Variants in OSER1 observed in about 807,000 individuals in gnomAD.
OSER1 encodes oxidative stress-responsive serine-rich protein 1.
In OSER1, 15 loss-of-function variants were observed where a neutral mutation model predicts 26.3. The ratio of observed to expected loss-of-function variants is 0.57; its 90% CI spans 0.38 to 0.88. The LOEUF is 0.88. Among genes scored for constraint, OSER1 ranks in the 40% least tolerant of loss-of-function variants. The pLI, the probability that OSER1 is intolerant of heterozygous loss-of-function variation, is 0.00. For missense variants in OSER1, 313 were observed against 353.9 expected, an observed-to-expected ratio of 0.88 and a Z score of 0.93; for synonymous variants, 127 against 128.2, an observed-to-expected ratio of 0.99 and a Z score of 0.07.
rs1373021176 is a variant in OSER1 at position 44,197,271 on chromosome 20, C to T, written c.660G>A (p.Leu220=). 2 of 1,613,958 alleles carry T rather than the reference C, an allele frequency of 1.2e-6. No individual in the cohort carries two copies. Among genetic ancestry groups the T allele is most frequent in the Non-Finnish European group, 1.7e-6 (2 of 1,179,892 alleles). The change falls in exon 4 of 4, where the codon CTG becomes CTA. Residue 220 remains leucine (L), a synonymous_variant. Transcript: ENST00000255174. ...CTGGAGCCAAGGGAGGGACACTCTG[C>T]AGGCCTGAAAAGGAATACACTTCCA... The part of the protein sequence containing the change: ...HDMEVYSFSG[L]QSVPPLAPER...
rs546460500 is a variant in OSER1, at chr20:44,196,117, G to A, written c.*935C>T. Reference sequence around the variant, plus strand: ...AAGGATTCATCATCCAGCTGAAACCGAAGACAGATTTTTTTTTTACCAAAC... The same window carrying A: ...AAGGATTCATCATCCAGCTGAAACCAAAGACAGATTTTTTTTTTACCAAAC... On this transcript the variant is annotated 3_prime_UTR_variant, in exon 4 of 4. Coordinates refer to ENST00000255174, the MANE Select transcript of OSER1 (RefSeq NM_016470.8). Among the ~76,000 whole-genome samples, 14 of 152,126 alleles carry A rather than the reference G, an allele frequency of 9.2e-5. No homozygotes were observed. The highest frequency in any genetic ancestry group is 6.6e-4 in the Admixed American group (10 of 15,254).
chr20:44,205,679 G>A (rs567606666), intron 2 of OSER1, among the ~76,000 whole-genome samples: 23 of 151,930 alleles, frequency 1.5e-4, no homozygotes, highest in Admixed American at 1.0e-3. Flanking sequence ...AGTGGCTCTC[G>A]CCTGTAATCC....
intron 3 of OSER1, among the ~76,000 whole-genome samples, chr20:44,199,119 GA>G (rs1248664189): frequency 2.0e-5 from 3 of 152,204 alleles, no homozygotes; most frequent in Admixed American, 2.0e-4. Flanking sequence ...GGTATACCAA[GA>G]AAAGCCACGA....
chr20:44,206,617 G>A (rs1414472026), intron 2 of OSER1, among the ~76,000 whole-genome samples: 1 of 152,184 alleles, frequency 6.6e-6, no homozygotes, highest in Non-Finnish European at 1.5e-5. Context: ...AAGAAGTGGG[G>A]GGGAAGCCCT....
At position 44,197,188 on chromosome 20, in the gene OSER1, C is replaced by G; in HGVS notation, c.743G>C (p.Gly248Ala). ...TTGCTCAGAACAGGATCGGGGAGAG[C>G]CAGACAGAGTTCTGGCGTGCAGCGA... is the stretch of plus-strand genomic sequence containing the variant. ...SQSLHARTLS[G>A]SPRSCSEQAR... Residue 248 changes from glycine (G) to alanine (A), a missense_variant, in exon 4 of 4, where the codon GGC (glycine) becomes GCC (alanine). By Grantham distance (60) the Gly-to-Ala change is moderately conservative (BLOSUM62 0). Transcript: ENST00000255174. The G allele has an allele frequency of 6.2e-7, 1 of 1,614,184 alleles. No homozygotes were observed. Among genetic ancestry groups the G allele is most frequent in the Non-Finnish European group, 8.5e-7 (1 of 1,180,012 alleles).
chr20:44,202,594 G>A (rs934739087), intron 3 of OSER1, among the ~76,000 whole-genome samples: 1 of 152,002 alleles, frequency 6.6e-6, no homozygotes, highest in Non-Finnish European at 1.5e-5. Context: ...AGGGAAAATA[G>A]ACAAATACAC....
rs759301750 is a variant in OSER1, at chr20:44,210,728, G to A, written c.-74C>T. 6.6e-6 allele frequency: 1 copy of A among 152,380 alleles called. No individual in the cohort carries two copies. The highest frequency in any genetic ancestry group is 1.5e-5 in the Non-Finnish European group (1 of 68,138). 9.4% of individuals were successfully genotyped at this position (152,380 alleles called of 1,614,324 possible). Reference sequence around the variant, plus strand: ...CAGCTGGGACGCTCCGGTGATGCGGGGCAGTCAGTTCAGAGCGTCTCTCCC... The same window carrying A: ...CAGCTGGGACGCTCCGGTGATGCGGAGCAGTCAGTTCAGAGCGTCTCTCCC... On this transcript the variant is annotated 5_prime_UTR_variant, in exon 1 of 4. Coordinates refer to ENST00000255174, the MANE Select transcript of OSER1 (RefSeq NM_016470.8).
rs1021748099 is a variant in OSER1, at chr20:44,195,997, T to C, written c.*1055A>G. ...TAAACAAAAGCTTCTGTTAACATTA[T>C]TGCTAACATGGCTAGACACTGTCAC... On this transcript the variant is annotated 3_prime_UTR_variant, in exon 4 of 4. Coordinates refer to ENST00000255174, the MANE Select transcript of OSER1 (RefSeq NM_016470.8). 2.0e-5 allele frequency among the ~76,000 whole-genome samples: 3 copies of C among 152,216 alleles called. No individual in the cohort carries two copies. Among genetic ancestry groups the C allele is most frequent in the African/African-American group, 4.8e-5 (2 of 41,464 alleles).
chr20:44,197,366 A>T lies in OSER1; in HGVS notation c.565T>A (p.Ser189Thr). Residue 189 changes from serine to threonine, a missense_variant, in exon 4 of 4, where the codon TCC becomes ACC. Physicochemically the swap from Ser to Thr is moderately conservative, Grantham distance 58. This residue lies in a region of OSER1 where 300 missense variants were observed against 318.3 expected (regional missense o/e 0.94). Coordinates refer to ENST00000255174, the MANE Select transcript of OSER1 (RefSeq NM_016470.8). ...CATGGCTTGCCCTGGTTTAGCTTGG[A>T]AACTGATTGAAAGTCAGAGAGATCA... ...ASDLSDFQSV[S>T]KLNQGKPCTC... 1.2e-6 allele frequency: 2 copies of T among 1,614,226 alleles called. No homozygotes were observed. Among genetic ancestry groups the T allele is most frequent in the South Asian group, 2.2e-5 (2 of 91,090 alleles).
intron 2 of OSER1, among the ~76,000 whole-genome samples, chr20:44,205,944 A>AG: frequency 6.7e-6 from 1 of 148,298 alleles, no homozygotes; most frequent in Non-Finnish European, 1.5e-5. Flanking sequence ...CGTCTCAAAA[A>AG]AAAAAAAAAA....
At chr20:44,203,241 A>G (rs2073001488) in intron 2 of OSER1, among the ~76,000 whole-genome samples, 167 bp from the exon 3 acceptor site, 1 of 151,718 alleles carries the variant, frequency 6.6e-6, no homozygotes, top group Non-Finnish European at 1.5e-5. Context: ...AACCAAATCT[A>G]GAGTATCCCT....
At position 44,196,460 on chromosome 20, in the gene OSER1, GCTTA is replaced by G. The variant is rs1210406974; in HGVS notation, c.*588_*591del. Reference sequence around the variant, plus strand: ...CTTAGGATGAATAGCACCAGCAGGGGCTTATTTAGTGATGGTTAATAACTCTCTC... The same window carrying G: ...CTTAGGATGAATAGCACCAGCAGGGGTTTAGTGATGGTTAATAACTCTCTC... On this transcript the variant is annotated 3_prime_UTR_variant, in exon 4 of 4. Transcript: ENST00000255174. The G allele has an allele frequency of 6.6e-6, 1 of 152,452 alleles. No homozygotes were observed. Among genetic ancestry groups the G allele is most frequent in the East Asian group, 1.9e-4 (1 of 5,204 alleles). 9.4% of individuals were successfully genotyped at this position (152,452 alleles called of 1,614,324 possible).
At chr20:44,205,923 G>A (rs972557619) in intron 2 of OSER1, among the ~76,000 whole-genome samples, 21 of 136,486 alleles carry the variant, frequency 1.5e-4, no homozygotes, top group African/African-American at 6.1e-4. Context: ...CTGGGCGACA[G>A]GGCCAGAATC....
chr20:44,203,694 T>TAA (rs1555866748), intron 2 of OSER1, among the ~76,000 whole-genome samples: 2,970 of 145,416 alleles, frequency 0.02, 100 homozygotes, highest in African/African-American at 0.062. Flanking sequence ...CAGACTTTTT[T>TAA]CACACACACA....
chr20:44,204,824 C>T (rs944061314), intron 2 of OSER1, among the ~76,000 whole-genome samples: 11 of 151,666 alleles, frequency 7.3e-5, no homozygotes, highest in African/African-American at 2.7e-4. Context: ...TTAGGGATAC[C>T]AAAATGGCTT....
At position 44,197,597 on chromosome 20, in the gene OSER1, T is replaced by C. The variant is rs374753400; in HGVS notation, c.334A>G (p.Thr112Ala). The C allele has an allele frequency of 2.5e-6, 4 of 1,614,072 alleles. No individual in the cohort carries two copies. The African/African-American group carries it at 5.3e-5, about 22-fold the overall frequency. The change falls in exon 4 of 4, where the codon ACT becomes GCT. Residue 112 changes from threonine to alanine, a missense_variant. Coordinates refer to ENST00000255174, the MANE Select transcript of OSER1 (RefSeq NM_016470.8). The part of the protein sequence containing the change: ...SSSQLKHKSQ[T>A]DSPDGSSGLG... ...CCACTGCTGCCATCAGGTGAGTCAG[T>C]CTGGCTTTTGTGCTTGAGTTGACTG...
chr20:44,210,529 G>A (rs944226020), intron 1 of OSER1, among the ~76,000 whole-genome samples, 167 bp downstream of exon 1: 2 of 152,324 alleles, frequency 1.3e-5, no homozygotes, highest in Non-Finnish European at 2.9e-5. Context: ...CACAGGCCGC[G>A]GCAGATAAGG....
chr20:44,201,363 G>T (rs538564556), intron 3 of OSER1, among the ~76,000 whole-genome samples: 2 of 152,180 alleles, frequency 1.3e-5, no homozygotes, highest in Non-Finnish European at 2.9e-5. Flanking sequence ...GGATACAGAT[G>T]ATTGTTATTT....
upstream of OSER1, chr20:44,211,459 T>C (rs1334269116): frequency 2.6e-5 from 4 of 152,228 alleles, no homozygotes. Flanking sequence ...GGCAACTGCT[T>C]TTCCTCCTTT....
Sources: allele counts gnomAD v4.1 joint callset (sites outside exome capture counted in the v4.1 genomes callset), GRCh38; gene constraint gnomAD v4.1.1; regional missense constraint gnomAD v4.1.1; transcripts MANE v1.5; gene names NCBI Gene and HGNC (gene_info 2026-07-23, HGNC 2026-07-21).